The following HMGCLL1 variants were observed in gnomAD, a reference collection of about 807,000 sequenced individuals.
The protein encoded by HMGCLL1 is 3-hydroxymethyl-3-methylglutaryl-CoA lyase, cytoplasmic.
HMGCLL1 carries 36 observed loss-of-function variants against 39.1 expected under a neutral mutation model. The ratio of observed to expected loss-of-function variants is 0.92; its 90% CI spans 0.71 to 1.22. The LOEUF (loss-of-function observed/expected upper bound fraction) is 1.22. HMGCLL1 is among the 50% of genes most tolerant of loss of function. The pLI is 0.00. For missense variants in HMGCLL1, 451 were observed against 416.5 expected (o/e 1.08, Z -0.72); for synonymous variants, 149 against 144.0 (o/e 1.03, Z -0.25).
intron 5 of HMGCLL1, among the ~76,000 whole-genome samples, chr6:55,509,167 G>A (rs527315772): frequency 6.6e-6 from 1 of 151,956 alleles, no homozygotes; most frequent in East Asian, 1.9e-4. Context: ...CCATATTTTG[G>A]TGGTACATAA....
the HMGCLL1 span, among the ~76,000 whole-genome samples, chr6:55,661,870 T>C: frequency 1.3e-5 from 2 of 152,030 alleles, no homozygotes; most frequent in Non-Finnish European, 2.9e-5. Flanking sequence ...TTCATTTGTT[T>C]ATGTAATCTC....
At chr6:55,506,560 T>C (rs1279874552) in intron 5 of HMGCLL1, among the ~76,000 whole-genome samples, 2 of 151,668 alleles carry the variant, frequency 1.3e-5, no homozygotes, top group Non-Finnish European at 3.0e-5. Flanking sequence ...TGTGGGCCAC[T>C]CTGAATAACA....
intron 1 of HMGCLL1, among the ~76,000 whole-genome samples, chr6:55,551,299 A>C (rs1176382387): frequency 6.6e-6 from 1 of 151,884 alleles, no homozygotes; most frequent in Non-Finnish European, 1.5e-5. Flanking sequence ...TTAAAATGAG[A>C]AATAGGAGGA....
chr6:55,597,076 G>A, the HMGCLL1 span, among the ~76,000 whole-genome samples: 1 of 123,002 alleles, frequency 8.1e-6, no homozygotes, highest in Non-Finnish European at 1.8e-5. Flanking sequence ...TGTATCATTC[G>A]CTTTTCCACA....
At chr6:55,539,695 G>C (rs184380116) in intron 3 of HMGCLL1, among the ~76,000 whole-genome samples, 1 of 151,134 alleles carries the variant, frequency 6.6e-6, no homozygotes, top group Non-Finnish European at 1.5e-5. Flanking sequence ...ACACTGGAGC[G>C]TATGGAAGAG....
chr6:55,447,810 T>C (rs1358286301), intron 7 of HMGCLL1, among the ~76,000 whole-genome samples: 1 of 152,130 alleles, frequency 6.6e-6, no homozygotes, highest in African/African-American at 2.4e-5. Flanking sequence ...TCCTGCTTCA[T>C]ATGGTTAGTA....
At chr6:55,627,889 A>ATATATAT in the HMGCLL1 span, among the ~76,000 whole-genome samples, 1 of 31,014 alleles carries the variant, frequency 3.2e-5, no homozygotes, top group Non-Finnish European at 6.2e-5. Flanking sequence ...CCTTATATAT[A>ATATATAT]TATATATATA....
chr6:55,642,015 G>A, the HMGCLL1 span, among the ~76,000 whole-genome samples: 1 of 136,952 alleles, frequency 7.3e-6, no homozygotes, highest in Non-Finnish European at 1.6e-5. Context: ...CCACTAACTC[G>A]TCATCTAGCA....
At chr6:55,657,900 T>G in the HMGCLL1 span, among the ~76,000 whole-genome samples, 21 of 151,568 alleles carry the variant, frequency 1.4e-4, no homozygotes, top group Admixed American at 1.3e-3. Context: ...ACACTGGGGC[T>G]TTTTGGAGAG....
chr6:55,468,079 G>C (rs1764868422), intron 7 of HMGCLL1, among the ~76,000 whole-genome samples: 3 of 151,978 alleles, frequency 2.0e-5, no homozygotes. Context: ...CATGACAAGA[G>C]AAAAGGCTGC....
chr6:55,519,476 T>C (rs1196078430), intron 3 of HMGCLL1, among the ~76,000 whole-genome samples: 3 of 152,186 alleles, frequency 2.0e-5, no homozygotes, highest in African/African-American at 7.2e-5. Context: ...TCCATGAATT[T>C]AGCTTTTGTG....
intron 3 of HMGCLL1, among the ~76,000 whole-genome samples, chr6:55,517,630 CA>C (rs1767809983): frequency 6.6e-6 from 1 of 151,474 alleles, no homozygotes; most frequent in Non-Finnish European, 1.5e-5. Context: ...TAAATCCAAA[CA>C]AAAAATGCTT....
At chr6:55,612,172 C>T in the HMGCLL1 span, among the ~76,000 whole-genome samples, 1 of 151,960 alleles carries the variant, frequency 6.6e-6, no homozygotes, top group Non-Finnish European at 1.5e-5. Context: ...GGCACAGAGC[C>T]AAATCATGAA....
the HMGCLL1 span, among the ~76,000 whole-genome samples, chr6:55,661,618 T>C: frequency 6.6e-6 from 1 of 152,096 alleles, no homozygotes. Context: ...ACTGTAGCCC[T>C]GTAGTATAGT....
intron 3 of HMGCLL1, among the ~76,000 whole-genome samples, chr6:55,528,863 A>G (rs1768474821): frequency 6.6e-6 from 1 of 152,000 alleles, no homozygotes; most frequent in South Asian, 2.1e-4. Flanking sequence ...CCAAAACAGG[A>G]AGCATATGAC....
intron 3 of HMGCLL1, among the ~76,000 whole-genome samples, chr6:55,538,727 C>A (rs891851089): frequency 6.6e-6 from 1 of 151,986 alleles, no homozygotes; most frequent in Admixed American, 6.6e-5. Flanking sequence ...TTACTATGTA[C>A]TGAGAAATGG....
intron 3 of HMGCLL1, among the ~76,000 whole-genome samples, chr6:55,518,038 G>A (rs1045889622): frequency 3.9e-5 from 6 of 151,980 alleles, no homozygotes; most frequent in Non-Finnish European, 8.8e-5. Flanking sequence ...CATTTACAAT[G>A]CATAAAAGTG....
the HMGCLL1 span, among the ~76,000 whole-genome samples, chr6:55,595,435 C>A: frequency 2.6e-5 from 4 of 152,132 alleles, no homozygotes; most frequent in Non-Finnish European, 5.9e-5. Context: ...ATTACATTAC[C>A]TACAGAAGTT....
chr6:55,611,677 T>A, the HMGCLL1 span, among the ~76,000 whole-genome samples: 1 of 152,052 alleles, frequency 6.6e-6, no homozygotes, highest in Non-Finnish European at 1.5e-5. Flanking sequence ...TCAATAAACA[T>A]AATCTGTCAC....
Sources: gnomAD v4.1 joint callset for allele counts (sites outside exome capture counted in the v4.1 genomes callset) on GRCh38, gnomAD v4.1.1 for gene constraint, MANE v1.5 for transcripts, NCBI Gene and HGNC (gene_info 2026-07-23, HGNC 2026-07-21) for gene names.